The following CFAP20DC variants were observed in gnomAD, a reference collection of about 807,000 sequenced individuals.
CFAP20DC encodes CFAP20 domain containing.
In CFAP20DC, 84 loss-of-function variants were observed where a neutral mutation model predicts 101.7. The ratio of observed to expected loss-of-function variants is 0.83; its 90% CI spans 0.69 to 0.99. The LOEUF is 0.99. CFAP20DC is among the 50% of genes least tolerant of loss of function. CFAP20DC has a pLI of 0.00. For synonymous variants in CFAP20DC, 359 were observed against 351.2 expected (o/e 1.02, Z -0.25); for missense variants, 1,007 against 970.3 (o/e 1.04, Z -0.50).
chr3:58,897,685 T>C lies in CFAP20DC; in HGVS notation c.551-12976A>G, dbSNP rs1001859783. Among the ~76,000 whole-genome samples the C allele has an allele frequency of 1.3e-5, 2 of 152,226 alleles. No individual in the cohort carries two copies. Among genetic ancestry groups the C allele is most frequent in the Non-Finnish European group, 2.9e-5 (2 of 68,034 alleles). Reference sequence around the variant, plus strand: ...ATTCAGGATTGGGGAAATTCTTTTCTTAAGAATGTTGAATTTGTTTCCCAA... The same window carrying C: ...ATTCAGGATTGGGGAAATTCTTTTCCTAAGAATGTTGAATTTGTTTCCCAA... On this transcript the variant is annotated intron_variant, in intron 6 of 16. Coordinates refer to ENST00000482387, the MANE Select transcript of CFAP20DC (RefSeq NM_001394063.1). This position sits in a 1 kb window ranked among gnomAD's most constrained non-coding sequence, Gnocchi z 4.4.
chr3:58,872,743 A>T (rs908702318), intron 7 of CFAP20DC, among the ~76,000 whole-genome samples: 2 of 152,158 alleles, frequency 1.3e-5, no homozygotes, highest in South Asian at 2.1e-4. Context: ...CACAAGGGTT[A>T]TCTTTCTCTA....
intron 4 of CFAP20DC, among the ~76,000 whole-genome samples, chr3:58,986,299 G>A (rs2092749020): frequency 6.6e-6 from 1 of 152,136 alleles, no homozygotes; most frequent in African/African-American, 2.4e-5. Flanking sequence ...TAGCCTAAAT[G>A]TATACAGGAA....
At chr3:58,990,503 T>C (rs2092905092) in intron 4 of CFAP20DC, among the ~76,000 whole-genome samples, 1 of 152,190 alleles carries the variant, frequency 6.6e-6, no homozygotes, top group Non-Finnish European at 1.5e-5. Flanking sequence ...ATGCTCTTTA[T>C]ATGGCTTGCT....
At chr3:58,738,052 A>G (rs2067797775), downstream of CFAP20DC, among the ~76,000 whole-genome samples, 1 of 152,220 alleles carries the variant, frequency 6.6e-6, no homozygotes, top group African/African-American at 2.4e-5. This position sits in a 1 kb window ranked among gnomAD's most constrained non-coding sequence, Gnocchi z 4.4. Flanking sequence ...TAATGGAGAA[A>G]AAGAGAAAAT....
intron 14 of CFAP20DC, among the ~76,000 whole-genome samples, chr3:58,820,607 G>C (rs1291124980): frequency 4.1e-4 from 63 of 151,878 alleles, no homozygotes; most frequent in East Asian, 5.8e-4. Flanking sequence ...GACCTCTTCA[G>C]GGAGAACTAC....
At chr3:58,862,305 T>C in intron 12 of CFAP20DC, 3 of 985,362 alleles carry the variant, frequency 3.0e-6, no homozygotes, top group Non-Finnish European at 3.6e-6. Context: ...GATTATCAGC[T>C]GGGATGAGGA....
In CFAP20DC at chr3:58,964,969, T is replaced by G. The variant is rs534566183; in HGVS notation, c.279-27207A>C. ...CCAACCTACTACTCACATACTCACATCTTTGGAATTTAATTCATTTTCATT... is the reference window on the plus strand; with the variant it reads ...CCAACCTACTACTCACATACTCACAGCTTTGGAATTTAATTCATTTTCATT... On this transcript the variant is annotated intron_variant, in intron 4 of 16. Coordinates refer to ENST00000482387, the MANE Select transcript of CFAP20DC (RefSeq NM_001394063.1). The surrounding 1 kb of genome is among the most constrained non-coding windows in gnomAD (Gnocchi z 4.1). Among the ~76,000 whole-genome samples, 1 of 152,336 alleles carries G rather than the reference T, an allele frequency of 6.6e-6. No homozygotes were observed. The highest frequency in any genetic ancestry group is 2.1e-4 in the South Asian group (1 of 4,824).
At chr3:59,044,136 C>G (rs947917046) in intron 3 of CFAP20DC, among the ~76,000 whole-genome samples, 1 of 152,086 alleles carries the variant, frequency 6.6e-6, no homozygotes, top group Non-Finnish European at 1.5e-5. Flanking sequence ...GTACCTAATA[C>G]AGACAGAAAC....
chr3:58,988,153 T>C (rs1028860378), intron 4 of CFAP20DC, among the ~76,000 whole-genome samples: 5 of 152,066 alleles, frequency 3.3e-5, no homozygotes, highest in African/African-American at 9.7e-5. Context: ...TATGAGAATA[T>C]CTGTAATGTC....
rs1185533085 is a variant in CFAP20DC at position 58,775,194 on chromosome 3, G to T, written c.2238-21331C>A. Among the ~76,000 whole-genome samples the T allele has an allele frequency of 2.0e-5, 3 of 152,164 alleles. No homozygotes were observed. In the East Asian group the frequency reaches 5.8e-4, roughly 29 times the overall value. On this transcript the variant is annotated intron_variant, in intron 15 of 16. Transcript: ENST00000482387. ...ACATACGTTGGTTCTGTCCAGAAAG[G>T]CGAGGACAACTAGAAGCAAGGAGGG...
intron 4 of CFAP20DC, among the ~76,000 whole-genome samples, chr3:58,941,165 C>T (rs2088506926): frequency 1.3e-5 from 2 of 151,074 alleles, no homozygotes; most frequent in Non-Finnish European, 2.9e-5. Context: ...CTCGTCTCTA[C>T]TAAAAATACA....
intron 4 of CFAP20DC, among the ~76,000 whole-genome samples, chr3:59,026,114 C>G (rs748708783): frequency 6.6e-6 from 1 of 151,754 alleles, no homozygotes; most frequent in African/African-American, 2.4e-5. Context: ...TTCACTAATG[C>G]GTGTAACAAA....
rs115258953 is a variant in CFAP20DC at position 58,747,979 on chromosome 3, G to A, written c.2333-5407C>T. ...AATAACATTGCATTATTATATTTCAGGTGTCATTTGGGCAATAGGTACATT... is the reference window on the plus strand; with the variant it reads ...AATAACATTGCATTATTATATTTCAAGTGTCATTTGGGCAATAGGTACATT... On this transcript the variant is annotated intron_variant, in intron 16 of 16. Coordinates refer to ENST00000482387, the MANE Select transcript of CFAP20DC (RefSeq NM_001394063.1). Among the ~76,000 whole-genome samples the A allele has an allele frequency of 2.1e-3, 318 of 152,252 alleles. 3 individuals carry two copies. Among genetic ancestry groups the A allele is most frequent in the African/African-American group, 7.4e-3 (309 of 41,548 alleles).
At position 59,035,516 on chromosome 3, in the gene CFAP20DC, C is replaced by T. The variant is rs541300103; in HGVS notation, c.278+4041G>A. Among the ~76,000 whole-genome samples, 5 of 152,180 alleles carry T rather than the reference C, an allele frequency of 3.3e-5. No homozygotes were observed. In the South Asian group the frequency reaches 8.3e-4, roughly 25 times the overall value. ...TAAAAAAGGATAAAGGGGATTTCACCACTGATCCCACAGAAAAACAAACTA... is the reference window on the plus strand; with the variant it reads ...TAAAAAAGGATAAAGGGGATTTCACTACTGATCCCACAGAAAAACAAACTA... On this transcript the variant is annotated intron_variant, in intron 4 of 16. Coordinates refer to ENST00000482387, the MANE Select transcript of CFAP20DC (RefSeq NM_001394063.1).
At chr3:58,818,169 C>T (rs1282188499) in intron 14 of CFAP20DC, among the ~76,000 whole-genome samples, 1 of 151,652 alleles carries the variant, frequency 6.6e-6, no homozygotes, top group African/African-American at 2.4e-5. Context: ...ACAACCGGTA[C>T]CAGCCGCTGC....
chr3:58,763,331 G>A (rs768230874), intron 15 of CFAP20DC, among the ~76,000 whole-genome samples: 10 of 152,066 alleles, frequency 6.6e-5, no homozygotes, highest in Non-Finnish European at 1.3e-4. Context: ...TGATCGAATC[G>A]GCTACTGAGG....
chr3:59,039,179 T>C (rs2094154223), intron 4 of CFAP20DC, among the ~76,000 whole-genome samples: 1 of 152,086 alleles, frequency 6.6e-6, no homozygotes, highest in Non-Finnish European at 1.5e-5. Context: ...AAATAAGATA[T>C]TTCAATCAAT....
At chr3:58,817,025 A>G (rs1038362464) in intron 14 of CFAP20DC, among the ~76,000 whole-genome samples, 55 of 152,258 alleles carry the variant, frequency 3.6e-4, no homozygotes, top group Middle Eastern at 3.4e-3. Context: ...CCCCAGCAGC[A>G]GCACACTGAC....
chr3:59,016,395 T>G (rs900385590), intron 4 of CFAP20DC, among the ~76,000 whole-genome samples: 1 of 151,784 alleles, frequency 6.6e-6, no homozygotes, highest in Non-Finnish European at 1.5e-5. Context: ...ATGGGAAGGG[T>G]ATGGGGAGCA....
Sources: gnomAD v4.1 joint callset for allele counts (sites outside exome capture counted in the v4.1 genomes callset) on GRCh38, gnomAD v4.1.1 for gene constraint, Gnocchi (gnomAD v3.1) non-coding constraint, MANE v1.5 for transcripts, NCBI Gene and HGNC (gene_info 2026-07-23, HGNC 2026-07-21) for gene names.